Variants in ZNF385D observed in about 807,000 individuals in gnomAD.
The protein encoded by ZNF385D is zinc finger protein 385D, also known as zinc finger protein 659.
Under a neutral mutation model 35.8 loss-of-function variants are expected in ZNF385D, and 15 were observed. The ratio of observed to expected loss-of-function variants is 0.42; its 90% confidence interval spans 0.28 to 0.64. The LOEUF (loss-of-function observed/expected upper bound fraction) is 0.64. Among genes scored for constraint, ZNF385D ranks in the 30% least tolerant of loss-of-function variants. ZNF385D has a pLI of 0.23. For missense variants in ZNF385D, 474 were observed against 494.6 expected (o/e 0.96, Z 0.39); for synonymous variants, 212 against 186.8 (o/e 1.13, Z -1.10).
At chr3:21,784,541 T>G (rs2071612401) in intron 3 of ZNF385D, among the ~76,000 whole-genome samples, 1 of 152,082 alleles carries the variant, frequency 6.6e-6, no homozygotes, top group Non-Finnish European at 1.5e-5. Context: ...TATGCCTGAT[T>G]AGGGCATAGA....
chr3:21,600,909 A>AGAT (rs1366046265), intron 2 of ZNF385D, among the ~76,000 whole-genome samples: 1 of 152,086 alleles, frequency 6.6e-6, no homozygotes, highest in African/African-American at 2.4e-5. Flanking sequence ...ATAGATTAAA[A>AGAT]GATAATGAAA....
chr3:21,693,349 T>A (rs2125352118), intron 1 of ZNF385D, among the ~76,000 whole-genome samples: 1 of 152,304 alleles, frequency 6.6e-6, no homozygotes, highest in South Asian at 2.1e-4. Context: ...GTTGCCCATA[T>A]CAGTGATCAT....
intron 3 of ZNF385D, among the ~76,000 whole-genome samples, chr3:21,867,833 T>C (rs2125841285): frequency 6.6e-6 from 1 of 152,128 alleles, no homozygotes; most frequent in Admixed American, 6.5e-5. Flanking sequence ...ATGATAGAAA[T>C]GTTCTCTATC....
At chr3:21,575,350 G>T (rs146202584) in intron 2 of ZNF385D, among the ~76,000 whole-genome samples, 35 of 152,226 alleles carry the variant, frequency 2.3e-4, no homozygotes, top group Non-Finnish European at 4.6e-4. Flanking sequence ...AATAGCAAAA[G>T]ATATACACAA....
chr3:21,454,775 A>G (rs1041115360), intron 4 of ZNF385D, among the ~76,000 whole-genome samples: 8 of 152,308 alleles, frequency 5.3e-5, no homozygotes, highest in African/African-American at 1.2e-4. Flanking sequence ...AGGGTATTCA[A>G]TTATGAAAAG....
intron 3 of ZNF385D, among the ~76,000 whole-genome samples, chr3:21,867,742 TAA>T (rs5847148): frequency 0.86 from 127,414 of 148,742 alleles, 54,901 homozygotes; most frequent in Non-Finnish European, 0.91. Flanking sequence ...GTAGGAAAAG[TAA>T]AAAAAAAAAA....
intron 3 of ZNF385D, among the ~76,000 whole-genome samples, chr3:22,128,716 G>A (rs1049026145): frequency 6.6e-6 from 1 of 152,088 alleles, no homozygotes; most frequent in Non-Finnish European, 1.5e-5. Flanking sequence ...GAATTTTGAA[G>A]AGCAGCTCCA....
intron 2 of ZNF385D, among the ~76,000 whole-genome samples, chr3:21,575,548 G>T (rs1368682771): frequency 6.6e-6 from 1 of 152,092 alleles, no homozygotes; most frequent in African/African-American, 2.4e-5. Context: ...TAAGTCATTT[G>T]CACTTCCTCT....
At chr3:21,841,007 G>A (rs529771080) in intron 3 of ZNF385D, among the ~76,000 whole-genome samples, 1 of 152,076 alleles carries the variant, frequency 6.6e-6, no homozygotes, top group African/African-American at 2.4e-5. Flanking sequence ...ACAAACTGAG[G>A]CTCCTGGTGA....
At chr3:22,001,209 G>A (rs1695822791) in intron 3 of ZNF385D, among the ~76,000 whole-genome samples, 2 of 151,952 alleles carry the variant, frequency 1.3e-5, no homozygotes, top group African/African-American at 4.8e-5. Context: ...TTAGCTGAAA[G>A]GATTTTTTTT....
intron 3 of ZNF385D, among the ~76,000 whole-genome samples, chr3:22,131,562 G>A (rs906408649): frequency 1.3e-5 from 2 of 152,090 alleles, no homozygotes; most frequent in African/African-American, 4.8e-5. Context: ...GGAGAGAATG[G>A]AAGGAACTGT....
At chr3:21,621,554 C>T (rs948321116) in intron 2 of ZNF385D, among the ~76,000 whole-genome samples, 8 of 136,986 alleles carry the variant, frequency 5.8e-5, no homozygotes, top group East Asian at 2.4e-4. Flanking sequence ...AAAAAATTCC[C>T]GTGTGTGTGT....
chr3:21,979,781 G>C (rs1054783485), intron 3 of ZNF385D: 1 of 151,544 alleles, frequency 6.6e-6, no homozygotes, highest in Non-Finnish European at 1.5e-5. Flanking sequence ...CACCAGGATG[G>C]AAAAATATGG....
intron 3 of ZNF385D, among the ~76,000 whole-genome samples, chr3:22,165,755 T>C (rs181062510): frequency 1.4e-4 from 22 of 152,294 alleles, no homozygotes; most frequent in Admixed American, 2.6e-4. Context: ...CTCAGCTTTA[T>C]TGAAATTTGA....
At chr3:22,339,682 T>C (rs1010857327) in intron 2 of ZNF385D, among the ~76,000 whole-genome samples, 14 of 152,304 alleles carry the variant, frequency 9.2e-5, no homozygotes, top group Admixed American at 4.6e-4. Context: ...GTTTCCCAAA[T>C]TTCTGAAATT....
rs774033379 is a variant in ZNF385D at position 21,528,764 on chromosome 3, C to T, written c.277-17741G>A. 1.8e-3 allele frequency among the ~76,000 whole-genome samples: 274 copies of T among 152,250 alleles called. 1 individual carries two copies. Among genetic ancestry groups the T allele is most frequent in the Non-Finnish European group, 3.5e-3 (235 of 68,010 alleles). ...TACATGAAACTAACAAATACATCTACTTACTATTATGCTCTAATCCTGGAG... is the reference window on the plus strand; with the variant it reads ...TACATGAAACTAACAAATACATCTATTTACTATTATGCTCTAATCCTGGAG... On this transcript the variant is annotated intron_variant, in intron 3 of 7. Coordinates refer to ENST00000281523, the MANE Select transcript of ZNF385D (RefSeq NM_024697.3).
rs536190453 is a variant in ZNF385D at position 21,683,224 on chromosome 3, T to A, written c.23-18196A>T. ...TCTAGGCATATTTAGCAGAATTCTA[T>A]GACAACCCCCAAGATTTCCTGCTTC... On this transcript the variant is annotated intron_variant, in intron 1 of 7. Transcript: ENST00000281523. 1.2e-3 allele frequency among the ~76,000 whole-genome samples: 185 copies of A among 150,126 alleles called. 8 individuals carry two copies. Among genetic ancestry groups the A allele is most frequent in the African/African-American group, 4.4e-3 (180 of 40,844 alleles).
chr3:21,769,171 C>A (rs999010195), intron 3 of ZNF385D, among the ~76,000 whole-genome samples: 1 of 152,132 alleles, frequency 6.6e-6, no homozygotes, highest in East Asian at 1.9e-4. Flanking sequence ...TGAAAACTGG[C>A]ACAAGACAGG....
intron 3 of ZNF385D, among the ~76,000 whole-genome samples, chr3:22,076,463 C>G (rs1274988136): frequency 2.0e-5 from 3 of 151,904 alleles, no homozygotes. Context: ...GCTTAAGATT[C>G]ATCTCCCAAA....
Sources: gnomAD v4.1 joint callset for allele counts (sites outside exome capture counted in the v4.1 genomes callset) on GRCh38, gnomAD v4.1.1 for gene constraint, MANE v1.5 for transcripts, NCBI Gene and HGNC (gene_info 2026-07-23, HGNC 2026-07-21) for gene names.